The following FBXL20 variants were observed in gnomAD, a reference collection of about 807,000 sequenced individuals.
The protein encoded by FBXL20 is F-box/LRR-repeat protein 20.
A neutral mutation model predicts 64.0 loss-of-function variants in FBXL20; 11 were observed. The observed-to-expected ratio is 0.17, with a 90% CI of 0.11 to 0.28. The LOEUF (loss-of-function observed/expected upper bound fraction) is 0.28. FBXL20 is among the 10% of genes least tolerant of loss of function. The pLI, the probability that FBXL20 is intolerant of heterozygous loss-of-function variation, is 1.00. For missense variants in FBXL20, 303 were observed against 526.2 expected (o/e 0.58, Z 4.15); for synonymous variants, 184 against 189.0 (o/e 0.97, Z 0.22).
intron 1 of FBXL20, among the ~76,000 whole-genome samples, chr17:39,389,581 G>A (rs2048116199): frequency 6.6e-6 from 1 of 151,994 alleles, no homozygotes; most frequent in Non-Finnish European, 1.5e-5. Flanking sequence ...CACTCTGTGA[G>A]GCTGATGCAA....
intron 5 of FBXL20, among the ~76,000 whole-genome samples, chr17:39,297,755 A>C (rs988577932): frequency 1.3e-5 from 2 of 152,002 alleles, no homozygotes; most frequent in African/African-American, 4.8e-5. Flanking sequence ...TTTTCTTTTG[A>C]GATGGAATCT....
chr17:39,330,101 T>C (rs12937609), intron 2 of FBXL20, among the ~76,000 whole-genome samples: 6,871 of 151,982 alleles, frequency 0.045, 513 homozygotes, highest in African/African-American at 0.16. Flanking sequence ...AAGACCAGCC[T>C]GGCCAACATG....
intron 2 of FBXL20, among the ~76,000 whole-genome samples, chr17:39,333,793 C>A (rs7212780): frequency 0.05 from 7,648 of 151,482 alleles, 579 homozygotes; most frequent in African/African-American, 0.18. Context: ...TCTGCCCGGC[C>A]GCGACCCCGT....
Position 39,256,484 on chromosome 17 carries a change from C to A in FBXL20, c.*4976G>T, listed in dbSNP as rs2046696918. On this transcript the variant is annotated 3_prime_UTR_variant, in exon 15 of 15. Coordinates refer to ENST00000264658, the MANE Select transcript of FBXL20 (RefSeq NM_032875.3). ...CAAACATCCTACATTTCTTCTCAAACAGGACTTGGCTAATTCACAGTGCCT... is the reference window on the plus strand; with the variant it reads ...CAAACATCCTACATTTCTTCTCAAAAAGGACTTGGCTAATTCACAGTGCCT... The A allele has an allele frequency of 6.6e-6, 1 of 152,048 alleles. No individual in the cohort carries two copies. Among genetic ancestry groups the A allele is most frequent in the South Asian group, 2.1e-4 (1 of 4,830 alleles). The allele number at this position is 152,048 out of a possible 1,614,324, so 9.4% of individuals were successfully genotyped here. A position where few individuals can be genotyped will look rare whatever the true frequency, so the allele number is the denominator to read the frequency against.
At chr17:39,347,951 C>G (rs1430250092) in intron 1 of FBXL20, among the ~76,000 whole-genome samples, 2 of 152,180 alleles carry the variant, frequency 1.3e-5, no homozygotes, top group African/African-American at 4.8e-5. Context: ...AATAGGGAAT[C>G]CTTTCTCCAT....
intron 1 of FBXL20, among the ~76,000 whole-genome samples, chr17:39,387,862 G>A (rs753509908): frequency 6.6e-6 from 1 of 152,164 alleles, no homozygotes; most frequent in Non-Finnish European, 1.5e-5. Flanking sequence ...ACAGGCGTGA[G>A]TGACCGCACC....
In FBXL20 at chr17:39,261,068, A is replaced by G. The variant is rs1267615217; in HGVS notation, c.*392T>C. 1 of 188,980 alleles carries G rather than the reference A, an allele frequency of 5.3e-6. No individual in the cohort carries two copies. The highest frequency in any genetic ancestry group is 1.1e-5 in the Non-Finnish European group (1 of 89,370). 11.7% of individuals were successfully genotyped at this position (188,980 alleles called of 1,614,324 possible). On this transcript the variant is annotated 3_prime_UTR_variant, in exon 15 of 15. Transcript: ENST00000264658. Reference sequence around the variant, plus strand: ...CTTTCCATGCTTTTCTTGACCCCGGAGGACAGCAGATGCTGTTCTAAAATC... The same window carrying G: ...CTTTCCATGCTTTTCTTGACCCCGGGGGACAGCAGATGCTGTTCTAAAATC...
chr17:39,292,714 C>T (rs1369673150), intron 6 of FBXL20, among the ~76,000 whole-genome samples: 2 of 151,798 alleles, frequency 1.3e-5, no homozygotes, highest in South Asian at 4.2e-4. Flanking sequence ...CTGCCTCTTC[C>T]GGGTCTATAT....
Position 39,368,748 on chromosome 17 carries a change from C to T in FBXL20, c.43-25507G>A, listed in dbSNP as rs138974969. Among the ~76,000 whole-genome samples the T allele has an allele frequency of 1.4e-3, 209 of 152,142 alleles. 1 individual carries two copies. The highest frequency in any genetic ancestry group is 4.5e-3 in the African/African-American group (187 of 41,504). The stretch of plus-strand genomic sequence containing the variant: ...TTACCTCACTGCAACCTCTGCCTCC[C>T]GGGTTCAAGCTATTCTCCTGCCTCA... On this transcript the variant is annotated intron_variant, in intron 1 of 14. Transcript: ENST00000264658.
rs757710108 is a variant in FBXL20, at chr17:39,306,418, A to C, written c.105-2779T>G. On this transcript the variant is annotated intron_variant, in intron 2 of 14. Coordinates refer to ENST00000264658, the MANE Select transcript of FBXL20 (RefSeq NM_032875.3). The stretch of plus-strand genomic sequence containing the variant: ...AATCCAAGAAATCACTGCTAAACTC[A>C]ATGTCATGAAGTTTTTCTCCTGTTT... Among the ~76,000 whole-genome samples the C allele has an allele frequency of 3.1e-4, 47 of 152,116 alleles. 1 individual carries two copies. Among genetic ancestry groups the C allele is most frequent in the African/African-American group, 7.2e-5 (3 of 41,416 alleles).
At chr17:39,372,018 A>T (rs1371488385) in intron 1 of FBXL20, among the ~76,000 whole-genome samples, 1 of 152,150 alleles carries the variant, frequency 6.6e-6, no homozygotes, top group Non-Finnish European at 1.5e-5. Context: ...AGCTTCACAG[A>T]CAAATCATGA....
chr17:39,346,890 T>C (rs2144580968), intron 1 of FBXL20, among the ~76,000 whole-genome samples: 1 of 142,866 alleles, frequency 7.0e-6, no homozygotes, highest in South Asian at 2.5e-4. Context: ...CCCCACCCTG[T>C]GTCCAAGTGT....
At chr17:39,380,845 C>G (rs895067529) in intron 1 of FBXL20, among the ~76,000 whole-genome samples, 2 of 152,110 alleles carry the variant, frequency 1.3e-5, no homozygotes, top group Non-Finnish European at 2.9e-5. Context: ...CTCACCTGTA[C>G]TACCATTAAA....
At chr17:39,306,216 T>C (rs942679980) in intron 2 of FBXL20, among the ~76,000 whole-genome samples, 2 of 148,572 alleles carry the variant, frequency 1.3e-5, no homozygotes, top group African/African-American at 2.5e-5. Context: ...AGTGGCACCA[T>C]CTCGGCTCAC....
In FBXL20 at chr17:39,258,692, C is replaced by G. The variant is rs1218838599; in HGVS notation, c.*2768G>C. ...CTTAATAGCCTCAACTTAGGCAACT[C>G]AAATCCACACTCACTAATCAATCTG... On this transcript the variant is annotated 3_prime_UTR_variant, in exon 15 of 15. Coordinates refer to ENST00000264658, the MANE Select transcript of FBXL20 (RefSeq NM_032875.3). 6.6e-6 allele frequency: 1 copy of G among 152,220 alleles called. No individual in the cohort carries two copies. The highest frequency in any genetic ancestry group is 1.5e-5 in the Non-Finnish European group (1 of 68,044). 9.4% of individuals were successfully genotyped at this position (152,220 alleles called of 1,614,324 possible).
intron 1 of FBXL20, among the ~76,000 whole-genome samples, chr17:39,363,587 T>C (rs934866026): frequency 6.6e-6 from 1 of 151,640 alleles, no homozygotes; most frequent in Admixed American, 6.6e-5. Context: ...CCAAGGTAGG[T>C]GGGAGGATTG....
At chr17:39,301,166 G>A (rs528848433) in intron 3 of FBXL20, 91 bp from the exon 4 acceptor site, 860 of 1,143,730 alleles carry the variant, frequency 7.5e-4, no homozygotes, top group Non-Finnish European at 1.0e-3. Flanking sequence ...ACCAACTAAT[G>A]ACTAAAATGG....
At chr17:39,269,712 G>C (rs543686439) in intron 11 of FBXL20, among the ~76,000 whole-genome samples, 2 of 150,672 alleles carry the variant, frequency 1.3e-5, no homozygotes, top group Admixed American at 1.3e-4. Flanking sequence ...GGGTCAGGCT[G>C]ATCTCGAACT....
intron 1 of FBXL20, among the ~76,000 whole-genome samples, chr17:39,392,230 A>C (rs1228788428): frequency 1.3e-5 from 2 of 152,182 alleles, no homozygotes; most frequent in Non-Finnish European, 2.9e-5. Context: ...ACCTGAGATC[A>C]GGAGTTTGAG....
Sources: allele counts gnomAD v4.1 joint callset (sites outside exome capture counted in the v4.1 genomes callset), GRCh38; gene constraint gnomAD v4.1.1; transcripts MANE v1.5; gene names NCBI Gene and HGNC (gene_info 2026-07-23, HGNC 2026-07-21).